UNC13C: variants seen among roughly 807,000 people sequenced by gnomAD.
UNC13C encodes the protein unc-13 homolog C.
In UNC13C, 174 loss-of-function variants were observed where a neutral mutation model predicts 245.4. The ratio of observed to expected loss-of-function variants is 0.71; its 90% CI spans 0.63 to 0.80. UNC13C has a LOEUF of 0.80. Among genes scored for constraint, UNC13C ranks in the 30% least tolerant of loss-of-function variants. The probability of loss-of-function intolerance (pLI) is 0.00; values close to 1 mark genes in which losing one functional copy is unlikely to be tolerated. For synonymous variants in UNC13C, 992 were observed against 895.1 expected (o/e 1.11, Z -1.93); for missense variants, 2,829 against 2,602.9 (o/e 1.09, Z -1.89).
At chr15:54,342,218 C>A (rs1249885546) in intron 17 of UNC13C, among the ~76,000 whole-genome samples, 2 of 152,102 alleles carry the variant, frequency 1.3e-5, no homozygotes, top group Non-Finnish European at 2.9e-5. Flanking sequence ...ATTGTGGATA[C>A]TAATCCTTTT....
At chr15:54,411,705 A>G (rs2040419901) in intron 18 of UNC13C, among the ~76,000 whole-genome samples, 1 of 152,100 alleles carries the variant, frequency 6.6e-6, no homozygotes, top group South Asian at 2.1e-4. Context: ...AAATTATTAT[A>G]TTTTCATAGA....
intron 30 of UNC13C, among the ~76,000 whole-genome samples, chr15:54,590,354 T>C (rs578218450): frequency 6.6e-6 from 1 of 152,324 alleles, no homozygotes; most frequent in Admixed American, 6.5e-5. Flanking sequence ...GGGAATTGCA[T>C]TGTATTTGTA....
At chr15:54,105,642 A>T (rs939192634) in intron 2 of UNC13C, among the ~76,000 whole-genome samples, 2 of 82,818 alleles carry the variant, frequency 2.4e-5, no homozygotes, top group African/African-American at 6.9e-5. Context: ...CATGAAAAAA[A>T]CATTTCTACT....
intron 14 of UNC13C, among the ~76,000 whole-genome samples, chr15:54,327,526 G>A (rs562732179): frequency 1.3e-4 from 19 of 151,828 alleles, no homozygotes; most frequent in Admixed American, 2.6e-4. Flanking sequence ...TTTTTCATAT[G>A]TGATGTAAAA....
chr15:54,132,048 C>T (rs1254217999), intron 2 of UNC13C, among the ~76,000 whole-genome samples: 1 of 104,850 alleles, frequency 9.5e-6, no homozygotes, highest in African/African-American at 3.3e-5. Context: ...ACTGAACTGT[C>T]ATTGCAATTC....
chr15:54,214,065 C>T (rs769839821), intron 4 of UNC13C, among the ~76,000 whole-genome samples: 2 of 151,988 alleles, frequency 1.3e-5, no homozygotes, highest in African/African-American at 4.8e-5. Context: ...ATTGGAATCC[C>T]TCCAATACCC....
At position 54,079,080 on chromosome 15, in the gene UNC13C, TTGTC is replaced by T. The variant is rs549788976; in HGVS notation, c.2983+63196_2983+63199del. Among the ~76,000 whole-genome samples the T allele has an allele frequency of 9.1e-3, 1,377 of 152,106 alleles. 9 individuals carry two copies. The highest frequency in any genetic ancestry group is 0.014 in the Non-Finnish European group (973 of 67,862). On this transcript the variant is annotated intron_variant, in intron 2 of 32. Transcript: ENST00000260323. ...TATTGAATACGGTGTTCCTCTCTCT[TTGTC>T]TATTTTTGTTGACTTTGTAGAAGAT...
chr15:54,435,562 C>T lies in UNC13C; in HGVS notation c.4933+20495C>T, dbSNP rs373907198. Among the ~76,000 whole-genome samples, 71 of 151,106 alleles carry T rather than the reference C, an allele frequency of 4.7e-4. 1 individual carries two copies. The South Asian group carries it at 9.5e-3, about 20-fold the overall frequency. ...TGAACACAGGGAGGAGAACATCACA[C>T]ACCAGGTCCTCTCGGTGGGTGGGGG... On this transcript the variant is annotated intron_variant, in intron 19 of 32. Transcript: ENST00000260323.
intron 4 of UNC13C, among the ~76,000 whole-genome samples, chr15:54,200,039 T>A (rs2034474439): frequency 6.6e-6 from 1 of 151,692 alleles, no homozygotes; most frequent in South Asian, 2.1e-4. Flanking sequence ...GCTATTCTTA[T>A]ATCAGACAAA....
intron 30 of UNC13C, among the ~76,000 whole-genome samples, chr15:54,574,783 T>A (rs1415645876): frequency 6.6e-6 from 1 of 152,190 alleles, no homozygotes; most frequent in African/African-American, 2.4e-5. Flanking sequence ...AGTCTTTGAG[T>A]CTCTGCTTAT....
intron 1 of UNC13C, among the ~76,000 whole-genome samples, chr15:54,003,259 C>A (rs1194861549): frequency 6.6e-6 from 1 of 152,092 alleles, no homozygotes; most frequent in Non-Finnish European, 1.5e-5. Context: ...TACCTTATAA[C>A]AAAAAAACTC....
At chr15:54,407,290 A>G (rs1459769839) in intron 18 of UNC13C, among the ~76,000 whole-genome samples, 1 of 152,164 alleles carries the variant, frequency 6.6e-6, no homozygotes, top group Non-Finnish European at 1.5e-5. Flanking sequence ...GGAACAGGGA[A>G]GAGAGAGGCA....
At chr15:54,384,517 C>T (rs1178875662) in intron 17 of UNC13C, among the ~76,000 whole-genome samples, 1 of 151,904 alleles carries the variant, frequency 6.6e-6, no homozygotes, top group Non-Finnish European at 1.5e-5. Context: ...TCAATATGAA[C>T]ATGTTAAACC....
intron 20 of UNC13C, among the ~76,000 whole-genome samples, chr15:54,499,877 C>T (rs551979131): frequency 2.8e-4 from 42 of 152,038 alleles, no homozygotes; most frequent in Admixed American, 1.2e-3. Flanking sequence ...AGAACCAAGA[C>T]GGGGGTAGAG....
chr15:53,853,986 C>T, the UNC13C span, among the ~76,000 whole-genome samples: 4 of 152,080 alleles, frequency 2.6e-5, no homozygotes, highest in East Asian at 7.7e-4. Flanking sequence ...TGTGCAGAAG[C>T]TCTTTAGTTT....
At chr15:53,890,821 G>C in the UNC13C span, among the ~76,000 whole-genome samples, 2 of 150,924 alleles carry the variant, frequency 1.3e-5, no homozygotes, top group African/African-American at 4.9e-5. Flanking sequence ...CCAGCTCCTG[G>C]ATTCATTGAT....
At chr15:53,892,919 G>A in the UNC13C span, among the ~76,000 whole-genome samples, 1 of 152,166 alleles carries the variant, frequency 6.6e-6, no homozygotes, top group Non-Finnish European at 1.5e-5. Context: ...CCTTGCTGGT[G>A]AGGATTTGTG....
chr15:54,222,889 C>G (rs1020599525), intron 4 of UNC13C, among the ~76,000 whole-genome samples: 14 of 152,150 alleles, frequency 9.2e-5, no homozygotes, highest in South Asian at 4.1e-4. Flanking sequence ...ATTTGTATGT[C>G]TTCATTGAGA....
chr15:53,890,485 A>T, the UNC13C span, among the ~76,000 whole-genome samples: 5 of 152,148 alleles, frequency 3.3e-5, no homozygotes, highest in Admixed American at 6.5e-5. Flanking sequence ...CTGTGAATCC[A>T]TCTGGTCCTG....
Sources: gnomAD v4.1 joint callset for allele counts (sites outside exome capture counted in the v4.1 genomes callset) on GRCh38, gnomAD v4.1.1 for gene constraint, MANE v1.5 for transcripts, NCBI Gene and HGNC (gene_info 2026-07-23, HGNC 2026-07-21) for gene names.